Variants in GPC6 observed in about 807,000 individuals in gnomAD.
The protein encoded by GPC6 is glypican 6.
In GPC6, 14 loss-of-function variants were observed where a neutral mutation model predicts 55.2. That is an observed-to-expected ratio of 0.25 (90% CI 0.17 to 0.40). The LOEUF is 0.40. GPC6 is among the 10% of genes least tolerant of loss of function. The pLI is 1.00. For missense variants in GPC6, 641 were observed against 708.5 expected, an observed-to-expected ratio of 0.90 and a Z score of 1.08; for synonymous variants, 278 against 259.6, an observed-to-expected ratio of 1.07 and a Z score of -0.68.
At chr13:94,265,017 T>C (rs2184099) in intron 4 of GPC6, among the ~76,000 whole-genome samples, 63,030 of 152,044 alleles carry the variant, frequency 0.41, 13,350 homozygotes, top group African/African-American at 0.5. Context: ...CACTGGGTCC[T>C]ACCCACAACA....
chr13:93,775,729 A>G (rs1885444789), intron 2 of GPC6, among the ~76,000 whole-genome samples: 1 of 152,166 alleles, frequency 6.6e-6, no homozygotes, highest in South Asian at 2.1e-4. Context: ...ACTGTGTTCA[A>G]AAACAGTTGG....
chr13:93,451,562 G>A (rs2813616), intron 1 of GPC6, among the ~76,000 whole-genome samples: 140,826 of 152,250 alleles, frequency 0.92, 66,132 homozygotes, highest in East Asian at 1. Flanking sequence ...CATCATGCCC[G>A]TTCATGTACA....
chr13:94,307,070 A>G (rs1288076979), intron 6 of GPC6, among the ~76,000 whole-genome samples: 1 of 152,208 alleles, frequency 6.6e-6, no homozygotes, highest in Admixed American at 6.5e-5. Context: ...ATATCCTTCT[A>G]TAGTGTAGAA....
chr13:93,469,950 G>T (rs919333356), intron 1 of GPC6, among the ~76,000 whole-genome samples: 5 of 152,022 alleles, frequency 3.3e-5, no homozygotes, highest in African/African-American at 1.2e-4. Flanking sequence ...GTTTATTTCT[G>T]TGTTCCTTAT....
intron 6 of GPC6, among the ~76,000 whole-genome samples, chr13:94,327,623 C>T (rs1877194002): frequency 6.6e-6 from 1 of 152,192 alleles, no homozygotes; most frequent in South Asian, 2.1e-4. Flanking sequence ...GTCCCCTTTT[C>T]AAGAGTTTCA....
chr13:93,574,059 C>T (rs776640960), intron 2 of GPC6, among the ~76,000 whole-genome samples: 26 of 152,004 alleles, frequency 1.7e-4, no homozygotes, highest in Non-Finnish European at 3.2e-4. Flanking sequence ...ATCCTACGAA[C>T]TTTGGTGTGG....
chr13:93,823,998 A>C (rs1887144551), intron 2 of GPC6, among the ~76,000 whole-genome samples: 1 of 152,206 alleles, frequency 6.6e-6, no homozygotes, highest in African/African-American at 2.4e-5. Flanking sequence ...GTCTTTTAAT[A>C]ATCATAGATT....
At chr13:93,280,073 G>A (rs189577604) in intron 1 of GPC6, among the ~76,000 whole-genome samples, 25 of 152,260 alleles carry the variant, frequency 1.6e-4, no homozygotes, top group Admixed American at 3.3e-4. Flanking sequence ...AACATCTGCA[G>A]GTATTCTGTA....
chr13:93,403,264 T>C (rs1424120692), intron 1 of GPC6, among the ~76,000 whole-genome samples: 2 of 152,192 alleles, frequency 1.3e-5, no homozygotes, highest in African/African-American at 2.4e-5. Flanking sequence ...TTTAACAAGT[T>C]GATTATTGGT....
chr13:93,695,915 G>A (rs1882436686), intron 2 of GPC6, among the ~76,000 whole-genome samples: 1 of 152,070 alleles, frequency 6.6e-6, no homozygotes, highest in Admixed American at 6.6e-5. Context: ...AAACAAAGAT[G>A]ATAATGAATT....
At chr13:94,390,570 A>C (rs12867688) in intron 7 of GPC6, among the ~76,000 whole-genome samples, 91,243 of 151,940 alleles carry the variant, frequency 0.6, 28,022 homozygotes, top group African/African-American at 0.73. Flanking sequence ...GTGCCACACA[A>C]TTTTAAACAA....
intron 7 of GPC6, among the ~76,000 whole-genome samples, chr13:94,386,131 G>A (rs917760071): frequency 4.6e-5 from 7 of 150,818 alleles, no homozygotes; most frequent in South Asian, 2.1e-4. Context: ...AGGCCAAGGC[G>A]GGCGGATGAT....
intron 3 of GPC6, among the ~76,000 whole-genome samples, chr13:93,912,510 A>G (rs140739443): frequency 0.014 from 2,162 of 152,192 alleles, 39 homozygotes; most frequent in African/African-American, 0.048. Flanking sequence ...TTGGGAGGCC[A>G]AGGCGGGCGG....
At chr13:93,898,101 A>G (rs1876116011) in intron 3 of GPC6, among the ~76,000 whole-genome samples, 1 of 152,110 alleles carries the variant, frequency 6.6e-6, no homozygotes. Flanking sequence ...GTCTTTCTTG[A>G]CCTCTACAAT....
At chr13:94,124,748 C>A (rs1315458381) in intron 4 of GPC6, among the ~76,000 whole-genome samples, 3 of 152,084 alleles carry the variant, frequency 2.0e-5, no homozygotes, top group Non-Finnish European at 4.4e-5. Flanking sequence ...TTTGTAGAGA[C>A]AGAGATTGAA....
chr13:93,836,621 A>G (rs754523315), intron 3 of GPC6, among the ~76,000 whole-genome samples: 2 of 152,216 alleles, frequency 1.3e-5, no homozygotes, highest in African/African-American at 2.4e-5. Context: ...GAAATTATCA[A>G]TGATGTTTCT....
chr13:93,398,702 A>G (rs1875954858), intron 1 of GPC6, among the ~76,000 whole-genome samples: 1 of 152,166 alleles, frequency 6.6e-6, no homozygotes, highest in African/African-American at 2.4e-5. Flanking sequence ...CTTGACATGA[A>G]TTATCTCATT....
chr13:93,217,324 T>C, the GPC6 span, among the ~76,000 whole-genome samples: 2 of 152,256 alleles, frequency 1.3e-5, no homozygotes, highest in Non-Finnish European at 2.9e-5. Flanking sequence ...TTTAAAAATC[T>C]TAGATCTTAC....
At chr13:94,138,586 C>T (rs147676676) in intron 4 of GPC6, among the ~76,000 whole-genome samples, 6 of 152,302 alleles carry the variant, frequency 3.9e-5, no homozygotes, top group African/African-American at 9.6e-5. Context: ...ATCAACCTCA[C>T]ATACACAGTT....
Sources: gnomAD v4.1 joint callset for allele counts (sites outside exome capture counted in the v4.1 genomes callset) on GRCh38, gnomAD v4.1.1 for gene constraint, MANE v1.5 for transcripts, NCBI Gene and HGNC (gene_info 2026-07-23, HGNC 2026-07-21) for gene names.